HERC2: variants seen among roughly 807,000 people sequenced by gnomAD.
HERC2 encodes E3 ubiquitin-protein ligase HERC2.
A neutral mutation model predicts 537.7 loss-of-function variants in HERC2; 102 were observed. The observed-to-expected ratio is 0.19, with a 90% CI of 0.16 to 0.22. The LOEUF (loss-of-function observed/expected upper bound fraction) is 0.22, where lower values mean the gene tolerates loss of function less well. Ranked by LOEUF, HERC2 falls within the 10% of genes least tolerant of loss-of-function variation. HERC2 has a pLI of 1.00. For synonymous variants in HERC2, 2,224 were observed against 2,466.2 expected, an observed-to-expected ratio of 0.90 and a Z score of 2.91; for missense variants, 4,236 against 6,198.2, an observed-to-expected ratio of 0.68 and a Z score of 10.63.
At chr15:28,117,295 C>A (rs781616932) in intron 86 of HERC2, 141 bp from the exon 87 acceptor site, 30 of 877,792 alleles carry the variant, frequency 3.4e-5, no homozygotes, top group Non-Finnish European at 5.5e-6. Context: ...CTTGTGTGGA[C>A]GCCAGGCAGA....
intron 17 of HERC2, among the ~76,000 whole-genome samples, chr15:28,256,810 G>C (rs537202002): frequency 6.6e-6 from 1 of 152,168 alleles, no homozygotes; most frequent in Non-Finnish European, 1.5e-5. Flanking sequence ...TAGCCGGGAT[G>C]GTCTCGATCT....
intron 55 of HERC2, among the ~76,000 whole-genome samples, chr15:28,189,843 AAATG>A (rs1159108812): frequency 1.3e-5 from 2 of 152,226 alleles, no homozygotes; most frequent in African/African-American, 4.8e-5. Context: ...CTTTTTTAAA[AAATG>A]AATGGTTAAC....
At chr15:28,143,038 T>C (rs1251534036) in intron 74 of HERC2, 86 bp from the exon 75 acceptor site, 1 of 1,364,820 alleles carries the variant, frequency 7.3e-7, no homozygotes, top group East Asian at 2.3e-5. Context: ...AATGTTTTAT[T>C]ATGTTGGTAC....
At chr15:28,274,222 G>C (rs1036256139) in intron 7 of HERC2, 69 bp downstream of exon 7, 1 of 1,533,410 alleles carries the variant, frequency 6.5e-7, no homozygotes, top group African/African-American at 1.4e-5. Context: ...TCTAAAGCAA[G>C]GGTGGTAAGA....
chr15:28,295,944 C>T (rs1039751471), intron 3 of HERC2, among the ~76,000 whole-genome samples: 1 of 151,950 alleles, frequency 6.6e-6, no homozygotes, highest in African/African-American at 2.4e-5. Flanking sequence ...TGGCCCTTTA[C>T]AGAAAGTAGG....
Position 28,321,525 on chromosome 15 carries a change from CG to C in HERC2, c.-31-62del. The C allele has an allele frequency of 2.4e-6, 2 of 831,938 alleles. 1 individual carries two copies. Among genetic ancestry groups the C allele is most frequent in the South Asian group, 3.3e-5 (2 of 60,728 alleles). 51.5% of individuals were successfully genotyped at this position (831,938 alleles called of 1,614,324 possible). A position where few individuals can be genotyped will look rare whatever the true frequency, so the allele number is the denominator to read the frequency against. ...TTTTAATAGTTTACAAAGACACTCC[CG>C]AAAGCCAGAAAAGAAAAAAGAGAGA... On this transcript the variant is annotated intron_variant, in intron 1 of 92. Transcript: ENST00000261609.
At chr15:28,232,786 C>A (rs1007401415) in intron 30 of HERC2, among the ~76,000 whole-genome samples, 1 of 152,266 alleles carries the variant, frequency 6.6e-6, no homozygotes, top group Non-Finnish European at 1.5e-5. Context: ...AAAAACATTT[C>A]TTTAGAAGAA....
intron 44 of HERC2, among the ~76,000 whole-genome samples, chr15:28,207,393 C>A (rs1336348881): frequency 6.6e-6 from 1 of 152,196 alleles, no homozygotes; most frequent in Non-Finnish European, 1.5e-5. Flanking sequence ...GCCTCGGCAT[C>A]CCAAAGTGTT....
intron 44 of HERC2, among the ~76,000 whole-genome samples, chr15:28,210,405 G>T (rs1899055527): frequency 6.6e-6 from 1 of 152,194 alleles, no homozygotes; most frequent in Non-Finnish European, 1.5e-5. Context: ...CAAAGTGCAG[G>T]GATTACAGGC....
rs1188883134 is a variant in HERC2 at position 28,198,497 on chromosome 15, G to A, written c.7892C>T (p.Pro2631Leu). 3 of 1,613,982 alleles carry A rather than the reference G, an allele frequency of 1.9e-6. No individual in the cohort carries two copies. The highest frequency in any genetic ancestry group is 2.2e-5 in the East Asian group (1 of 44,880). ...GATGTGAGAAGAAGAACTTGGTGGA[G>A]GATAGCCTACAGATGTCAATAACAA... The part of the protein sequence containing the change: ...RYIHVELIGY[P>L]PPSSSSHIKI... The change falls in exon 50 of 93, where the codon CCT becomes CTT. Residue 2631 changes from proline (P) to leucine (L), a missense_variant. By Grantham distance (98) the Pro-to-Leu change is moderately conservative. Around this residue, in one of 27 missense-constraint regions of HERC2, gnomAD observed 606 missense variants for 884.5 expected, o/e 0.69. Coordinates refer to ENST00000261609, the MANE Select transcript of HERC2 (RefSeq NM_004667.6).
intron 4 of HERC2, among the ~76,000 whole-genome samples, chr15:28,281,966 C>A (rs559180172): frequency 6.6e-6 from 1 of 152,204 alleles, no homozygotes; most frequent in East Asian, 1.9e-4. Flanking sequence ...TGAGCACCCA[C>A]GTGCCCTTCT....
chr15:28,296,440 T>C (rs1475474065), intron 3 of HERC2, among the ~76,000 whole-genome samples: 5 of 151,910 alleles, frequency 3.3e-5, no homozygotes, highest in South Asian at 2.1e-4. Context: ...GCCGCTACAC[T>C]CCAGCCTGAG....
At chr15:28,301,186 G>C (rs879836792) in intron 2 of HERC2, among the ~76,000 whole-genome samples, 20 of 151,606 alleles carry the variant, frequency 1.3e-4, no homozygotes, top group African/African-American at 4.8e-4. Flanking sequence ...AGGCTGAGGC[G>C]GGCAGATCAC....
intron 22 of HERC2, 38 bp downstream of exon 22, chr15:28,246,704 T>C: frequency 2.0e-6 from 3 of 1,504,846 alleles, no homozygotes; most frequent in Non-Finnish European, 2.7e-6. Context: ...ATCTATCTCC[T>C]AAAATAAACA....
At chr15:28,292,091 T>C (rs949126250) in intron 4 of HERC2, among the ~76,000 whole-genome samples, 3 of 151,282 alleles carry the variant, frequency 2.0e-5, no homozygotes, top group Non-Finnish European at 2.9e-5. Context: ...TAGCCAGGCA[T>C]GGTGGCGGAC....
At position 28,113,560 on chromosome 15, in the gene HERC2, GGGGTC is replaced by G; in HGVS notation, c.14019+8_14019+12del. The G allele has an allele frequency of 6.2e-7, 1 of 1,610,880 alleles. No homozygotes were observed. Among genetic ancestry groups the G allele is most frequent in the Non-Finnish European group, 8.5e-7 (1 of 1,177,172 alleles). On this transcript the variant is annotated splice_region_variant and intron_variant, in intron 91 of 92. Transcript: ENST00000261609. This position sits in a 1 kb window ranked among gnomAD's most constrained non-coding sequence, Gnocchi z 7.0. Reference sequence around the variant, plus strand: ...GGCAGCTGCAGGGCAGCCCCACCTGGGGGTCGGCATACCATCGTCTCCAGTTCGTA... The same window carrying G: ...GGCAGCTGCAGGGCAGCCCCACCTGGGGCATACCATCGTCTCCAGTTCGTA...
Position 28,228,427 on chromosome 15 carries a change from C to A in HERC2, c.5273-18G>T. The A allele has an allele frequency of 6.2e-7, 1 of 1,610,306 alleles. No individual in the cohort carries two copies. Among genetic ancestry groups the A allele is most frequent in the East Asian group, 2.2e-5 (1 of 44,880 alleles). ...CTGGATACCTAATGAGCATTGGCAC[C>A]TACTGACATTTCTTGTGATGGATAC... On this transcript the variant is annotated intron_variant, in intron 34 of 92. Coordinates refer to ENST00000261609, the MANE Select transcript of HERC2 (RefSeq NM_004667.6).
intron 83 of HERC2, among the ~76,000 whole-genome samples, 159 bp from the exon 84 acceptor site, chr15:28,125,352 C>T (rs1889363527): frequency 1.3e-5 from 2 of 152,204 alleles, no homozygotes; most frequent in Admixed American, 1.3e-4. Flanking sequence ...TGAATGTCTG[C>T]TTTAGGTATG....
chr15:28,318,859 A>C (rs2077159328), intron 2 of HERC2, among the ~76,000 whole-genome samples: 1 of 150,842 alleles, frequency 6.6e-6, no homozygotes, highest in Non-Finnish European at 1.5e-5. Context: ...TTTTAAGGGC[A>C]TTTCAAACAA....
Sources: allele counts gnomAD v4.1 joint callset (sites outside exome capture counted in the v4.1 genomes callset), GRCh38; gene constraint gnomAD v4.1.1; regional missense constraint gnomAD v4.1.1; non-coding constraint Gnocchi (gnomAD v3.1); transcripts MANE v1.5; gene names NCBI Gene and HGNC (gene_info 2026-07-23, HGNC 2026-07-21).